FAF1: variants seen among roughly 807,000 people sequenced by gnomAD.
The protein encoded by FAF1 is FAS-associated factor 1.
FAF1 carries 25 observed loss-of-function variants against 92.5 expected under a neutral mutation model. The observed-to-expected ratio is 0.27, with a 90% CI of 0.20 to 0.38. FAF1 has a LOEUF of 0.38. FAF1 is among the 10% of genes least tolerant of loss of function. The pLI, the probability that FAF1 is intolerant of heterozygous loss-of-function variation, is 1.00. For synonymous variants in FAF1, 234 were observed against 273.2 expected (o/e 0.86, Z 1.42); for missense variants, 636 against 793.3 (o/e 0.80, Z 2.38).
chr1:50,459,665 T>G (rs1193319677), intron 18 of FAF1, among the ~76,000 whole-genome samples: 3 of 152,218 alleles, frequency 2.0e-5, no homozygotes, highest in African/African-American at 7.2e-5. Context: ...GCCATCTTAG[T>G]ACTGTCTCCC....
At chr1:50,732,069 ATTAT>A (rs931290351) in intron 6 of FAF1, among the ~76,000 whole-genome samples, 31 of 151,340 alleles carry the variant, frequency 2.0e-4, no homozygotes, top group African/African-American at 4.8e-4. Context: ...CATTATTATT[ATTAT>A]TTATTTATTT....
chr1:50,953,475 C>T (rs12127320), intron 1 of FAF1, among the ~76,000 whole-genome samples: 14,995 of 151,846 alleles, frequency 0.099, 1,016 homozygotes, highest in South Asian at 0.32. Context: ...TGGCTCACAG[C>T]GCCTGTAATC....
chr1:50,700,792 G>A (rs1292723292), intron 7 of FAF1, among the ~76,000 whole-genome samples: 1 of 151,990 alleles, frequency 6.6e-6, no homozygotes, highest in African/African-American at 2.4e-5. Flanking sequence ...TGAAATGCAG[G>A]TAGACAAATA....
At chr1:50,873,781 G>C (rs962743395) in intron 1 of FAF1, among the ~76,000 whole-genome samples, 6 of 152,308 alleles carry the variant, frequency 3.9e-5, no homozygotes, top group Admixed American at 6.5e-5. Flanking sequence ...GCTCCGCAAG[G>C]TGGCAGTGTG....
intron 18 of FAF1, among the ~76,000 whole-genome samples, chr1:50,471,716 G>A (rs1410497720): frequency 1.3e-5 from 2 of 152,070 alleles, no homozygotes; most frequent in Non-Finnish European, 1.5e-5. Context: ...GCTATCAGTG[G>A]ACTCTTAGAG....
intron 13 of FAF1, among the ~76,000 whole-genome samples, chr1:50,552,154 AG>A (rs2149046927): frequency 6.6e-6 from 1 of 152,162 alleles, no homozygotes; most frequent in South Asian, 2.1e-4. Context: ...AAAACTAGCC[AG>A]GCATGGTAGT....
Position 50,858,110 on chromosome 1 carries a change from A to C in FAF1, c.46-113T>G, listed in dbSNP as rs1266994712. On this transcript the variant is annotated intron_variant, in intron 1 of 18. Coordinates refer to ENST00000396153, the MANE Select transcript of FAF1 (RefSeq NM_007051.3). ...AATTTAAATTCAAATAGGTATATGA[A>C]TAAAGCCAAAACACTAAAAGTTTAA... 7 of 630,404 alleles carry C rather than the reference A, an allele frequency of 1.1e-5. No homozygotes were observed. In the African/African-American group the frequency reaches 1.3e-4, roughly 12 times the overall value. The allele number at this position is 630,404 out of a possible 1,614,324, so 39.1% of individuals were successfully genotyped here.
intron 8 of FAF1, among the ~76,000 whole-genome samples, chr1:50,635,100 AAT>A (rs1298127169): frequency 6.6e-6 from 1 of 152,218 alleles, no homozygotes; most frequent in African/African-American, 2.4e-5. Context: ...TGAGCACCAA[AAT>A]AGAGTACTAC....
chr1:50,757,981 G>A (rs911231073), intron 4 of FAF1, among the ~76,000 whole-genome samples: 2 of 151,998 alleles, frequency 1.3e-5, no homozygotes, highest in Non-Finnish European at 2.9e-5. Flanking sequence ...GCAGTGGCAT[G>A]AGCTCAGCTC....
At chr1:50,795,817 C>T (rs1661727569) in intron 3 of FAF1, among the ~76,000 whole-genome samples, 2 of 152,126 alleles carry the variant, frequency 1.3e-5, no homozygotes, top group Admixed American at 1.3e-4. Flanking sequence ...ATTTTGTACT[C>T]CTCATGGCAC....
chr1:50,757,591 T>C (rs12063943), intron 4 of FAF1, among the ~76,000 whole-genome samples: 13,145 of 152,228 alleles, frequency 0.086, 591 homozygotes, highest in African/African-American at 0.098. Flanking sequence ...ACAATTTTCA[T>C]ACATATTTTC....
chr1:50,566,934 G>C, intron 13 of FAF1, 143 bp downstream of exon 13: 1 of 523,870 alleles, frequency 1.9e-6, no homozygotes, highest in Non-Finnish European at 3.2e-6. Flanking sequence ...GCATGTGTTA[G>C]CTGCAACGAG....
chr1:50,471,569 T>C (rs1283706887), intron 18 of FAF1, among the ~76,000 whole-genome samples: 1 of 152,216 alleles, frequency 6.6e-6, no homozygotes, highest in Non-Finnish European at 1.5e-5. Context: ...TTGTTTTAGA[T>C]ATAAAATATA....
chr1:50,834,026 G>C (rs1644178586), intron 2 of FAF1, among the ~76,000 whole-genome samples: 1 of 152,194 alleles, frequency 6.6e-6, no homozygotes. Flanking sequence ...CACAATGTTA[G>C]AGGAAGGGCC....
At chr1:50,634,741 T>C (rs1038185237) in intron 8 of FAF1, among the ~76,000 whole-genome samples, 1 of 152,132 alleles carries the variant, frequency 6.6e-6, no homozygotes, top group African/African-American at 2.4e-5. Flanking sequence ...GTGCCATGCT[T>C]AATATAATGC....
intron 7 of FAF1, among the ~76,000 whole-genome samples, chr1:50,663,734 T>C (rs1472960440): frequency 6.6e-6 from 1 of 151,622 alleles, no homozygotes; most frequent in Non-Finnish European, 1.5e-5. Context: ...GCAAATAATA[T>C]ATAGGCTCTT....
intron 7 of FAF1, among the ~76,000 whole-genome samples, chr1:50,692,082 G>A (rs1656954343): frequency 6.6e-6 from 1 of 152,072 alleles, no homozygotes; most frequent in African/African-American, 2.4e-5. Flanking sequence ...TGGGCATTGT[G>A]GCACGTACCT....
chr1:50,507,613 A>G (rs1647074976), intron 15 of FAF1, among the ~76,000 whole-genome samples: 1 of 152,178 alleles, frequency 6.6e-6, no homozygotes, highest in Non-Finnish European at 1.5e-5. Flanking sequence ...GCTACTCAGG[A>G]AGCTGAGGTG....
intron 18 of FAF1, among the ~76,000 whole-genome samples, chr1:50,442,880 T>C (rs1482760476): frequency 6.6e-6 from 1 of 152,196 alleles, no homozygotes; most frequent in African/African-American, 2.4e-5. Flanking sequence ...TCTCCGCTTA[T>C]AAGGAACTCA....
Sources: allele counts gnomAD v4.1 joint callset (sites outside exome capture counted in the v4.1 genomes callset), GRCh38; gene constraint gnomAD v4.1.1; transcripts MANE v1.5; gene names NCBI Gene and HGNC (gene_info 2026-07-23, HGNC 2026-07-21).